The following STK10 variants were observed in gnomAD, a reference collection of about 807,000 sequenced individuals.
The protein encoded by STK10 is serine/threonine-protein kinase 10.
STK10 carries 78 observed loss-of-function variants against 113.8 expected under a neutral mutation model. That is an observed-to-expected ratio of 0.69 (90% CI 0.57 to 0.83). The LOEUF (loss-of-function observed/expected upper bound fraction) is 0.83. Ranked by LOEUF, STK10 falls within the 40% of genes least tolerant of loss-of-function variation. The pLI is 0.00. For missense variants in STK10, 1,109 were observed against 1,280.1 expected (o/e 0.87, Z 2.04); for synonymous variants, 465 against 494.7 (o/e 0.94, Z 0.80).
In STK10 at chr5:172,187,542, A is replaced by T. The variant is rs1427213821; in HGVS notation, c.156+345T>A. Among the ~76,000 whole-genome samples, 1 of 151,700 alleles carries T rather than the reference A, an allele frequency of 6.6e-6. No homozygotes were observed. The highest frequency in any genetic ancestry group is 2.4e-5 in the African/African-American group (1 of 41,310). On this transcript the variant is annotated intron_variant, in intron 1 of 18. Coordinates refer to ENST00000176763, the MANE Select transcript of STK10 (RefSeq NM_005990.4). The surrounding 1 kb of genome is among the most constrained non-coding windows in gnomAD (Gnocchi z 4.6). Reference sequence around the variant, plus strand: ...TCGCCGTTTTACGGAACGTCCCTGGAAGGTCCCTCGAGTGGCCCTCTCGGA... The same window carrying T: ...TCGCCGTTTTACGGAACGTCCCTGGTAGGTCCCTCGAGTGGCCCTCTCGGA...
chr5:172,098,926 A>C (rs1768915516), intron 7 of STK10, among the ~76,000 whole-genome samples: 1 of 151,408 alleles, frequency 6.6e-6, no homozygotes, highest in Non-Finnish European at 1.5e-5. Flanking sequence ...CATCATTACC[A>C]TTACCATCAT....
rs573202988 is a variant in STK10, at chr5:172,095,713, G to A, written c.1005+713C>T. 1.3e-4 allele frequency among the ~76,000 whole-genome samples: 20 copies of A among 152,298 alleles called. No individual in the cohort carries two copies. The South Asian group carries it at 3.7e-3, about 28-fold the overall frequency. On this transcript the variant is annotated intron_variant, in intron 8 of 18. Coordinates refer to ENST00000176763, the MANE Select transcript of STK10 (RefSeq NM_005990.4). ...TTAAATTTGAGGAAGCTGCAGTGCC[G>A]TCCACAGCACAAGGATGTGGGCCAG...
At chr5:172,069,380 G>C (rs1768132538) in intron 12 of STK10, among the ~76,000 whole-genome samples, 1 of 152,096 alleles carries the variant, frequency 6.6e-6, no homozygotes, top group Non-Finnish European at 1.5e-5. Flanking sequence ...AAAGAAAGTA[G>C]GATTGGCTAT....
chr5:172,102,513 G>A (rs1265935706), intron 7 of STK10, among the ~76,000 whole-genome samples: 2 of 152,120 alleles, frequency 1.3e-5, no homozygotes, highest in East Asian at 1.9e-4. Context: ...GAGATGGAGG[G>A]AGGGCCCTGT....
At chr5:172,173,952 G>C (rs940893106) in intron 1 of STK10, among the ~76,000 whole-genome samples, 1 of 152,216 alleles carries the variant, frequency 6.6e-6, no homozygotes, top group Admixed American at 6.5e-5. Context: ...GATCAGAGGG[G>C]TGAGGTGACT....
chr5:172,069,494 ATTT>A (rs1768133598), intron 12 of STK10, among the ~76,000 whole-genome samples: 1 of 152,344 alleles, frequency 6.6e-6, no homozygotes, highest in South Asian at 2.1e-4. Context: ...AAATATGACT[ATTT>A]TAGTCTTAGC....
intron 9 of STK10, among the ~76,000 whole-genome samples, chr5:172,091,161 C>A (rs777556494): frequency 1.8e-4 from 27 of 152,080 alleles, no homozygotes; most frequent in Non-Finnish European, 3.1e-4. Flanking sequence ...GGCCTGTGTT[C>A]CATGCTTAGC....
At chr5:172,106,913 T>G (rs1581159557) in intron 5 of STK10, 99 bp from the exon 6 acceptor site, 1 of 1,203,360 alleles carries the variant, frequency 8.3e-7, no homozygotes, top group Non-Finnish European at 1.2e-6. Flanking sequence ...ACTGTCGGGG[T>G]TGGCAGCACT....
chr5:172,102,945 A>G (rs11739841), intron 7 of STK10, among the ~76,000 whole-genome samples: 14,984 of 151,892 alleles, frequency 0.099, 859 homozygotes, highest in Non-Finnish European at 0.12. Context: ...GGGGCATGGC[A>G]TGTCTGATTT....
chr5:172,187,750 G>T lies in STK10; in HGVS notation c.156+137C>A. On this transcript the variant is annotated intron_variant, in intron 1 of 18. Coordinates refer to ENST00000176763, the MANE Select transcript of STK10 (RefSeq NM_005990.4). This position sits in a 1 kb window ranked among gnomAD's most constrained non-coding sequence, Gnocchi z 4.6. ...TCCCCCCAAAAAACAAGAGTCATCG[G>T]GATGAGGGCCAGGGACCCCGAATTC... 1 of 1,309,474 alleles carries T rather than the reference G, an allele frequency of 7.6e-7. No homozygotes were observed. Among genetic ancestry groups the T allele is most frequent in the Non-Finnish European group, 1.0e-6 (1 of 968,798 alleles). The allele number at this position is 1,309,474 out of a possible 1,614,324, so 81.1% of individuals were successfully genotyped here.
In STK10 at chr5:172,187,862, C is replaced by T. The variant is rs779973535; in HGVS notation, c.156+25G>A. 1 of 1,609,930 alleles carries T rather than the reference C, an allele frequency of 6.2e-7. No homozygotes were observed. Among genetic ancestry groups the T allele is most frequent in the South Asian group, 1.1e-5 (1 of 90,488 alleles). On this transcript the variant is annotated intron_variant, in intron 1 of 18. Coordinates refer to ENST00000176763, the MANE Select transcript of STK10 (RefSeq NM_005990.4). The surrounding 1 kb of genome is among the most constrained non-coding windows in gnomAD (Gnocchi z 4.6). ...CTTCCGGAGCCCCTCGACGCGCGTC[C>T]GGCCACCCACCTCAGCGCCCTCACC... is the stretch of plus-strand genomic sequence containing the variant.
intron 1 of STK10, among the ~76,000 whole-genome samples, chr5:172,186,429 G>A (rs774473225): frequency 3.3e-5 from 5 of 152,132 alleles, no homozygotes; most frequent in Non-Finnish European, 7.4e-5. Context: ...TTCATGACAA[G>A]CCTGGGCTAC....
intron 17 of STK10, among the ~76,000 whole-genome samples, chr5:172,054,061 G>A (rs1767691819): frequency 6.6e-6 from 1 of 152,224 alleles, no homozygotes; most frequent in African/African-American, 2.4e-5. Flanking sequence ...CCAACAGCCT[G>A]AGCAGTTCCT....
chr5:172,149,495 CGTGTGT>C (rs3839238), intron 2 of STK10, among the ~76,000 whole-genome samples: 28 of 149,350 alleles, frequency 1.9e-4, no homozygotes, highest in Middle Eastern at 3.5e-3. Context: ...ACAAAGTGCT[CGTGTGT>C]GTGTGTGTGT....
At chr5:172,078,401 C>T (rs1768357108) in intron 12 of STK10, among the ~76,000 whole-genome samples, 2 of 152,194 alleles carry the variant, frequency 1.3e-5, no homozygotes, top group South Asian at 4.1e-4. Flanking sequence ...CGCCTATAAT[C>T]CCAACAGTTT....
chr5:172,050,740 T>A (rs975480549), intron 18 of STK10, among the ~76,000 whole-genome samples: 1 of 150,960 alleles, frequency 6.6e-6, no homozygotes, highest in Non-Finnish European at 1.5e-5. Context: ...TTTGCGAGGG[T>A]CTCAATCTGT....
chr5:172,047,595 C>T (rs1414692551), intron 18 of STK10, among the ~76,000 whole-genome samples: 2 of 152,152 alleles, frequency 1.3e-5, no homozygotes, highest in South Asian at 2.1e-4. Context: ...GCTCCATGAG[C>T]GCAGGGAGGG....
intron 12 of STK10, among the ~76,000 whole-genome samples, chr5:172,081,961 C>T (rs1327809200): frequency 2.0e-5 from 3 of 152,098 alleles, no homozygotes; most frequent in African/African-American, 7.2e-5. Context: ...ATGTGCCTAC[C>T]CACCCAGCAC....
intron 2 of STK10, among the ~76,000 whole-genome samples, chr5:172,156,132 G>A (rs1024891359): frequency 6.6e-6 from 1 of 152,178 alleles, no homozygotes; most frequent in African/African-American, 2.4e-5. Context: ...CATCGAGAAG[G>A]ATCTCCATGT....
Sources: gnomAD v4.1 joint callset for allele counts (sites outside exome capture counted in the v4.1 genomes callset) on GRCh38, gnomAD v4.1.1 for gene constraint, Gnocchi (gnomAD v3.1) non-coding constraint, MANE v1.5 for transcripts, NCBI Gene and HGNC (gene_info 2026-07-23, HGNC 2026-07-21) for gene names.